Variants in SSBP3 observed in about 807,000 individuals in gnomAD.
SSBP3 encodes single stranded DNA binding protein 3.
A neutral mutation model predicts 69.6 loss-of-function variants in SSBP3; 5 were observed. The ratio of observed to expected loss-of-function variants is 0.07; its 90% CI spans 0.04 to 0.15. The LOEUF (loss-of-function observed/expected upper bound fraction) is 0.15, where lower values mean the gene tolerates loss of function less well. Ranked by LOEUF, SSBP3 falls within the 10% of genes least tolerant of loss-of-function variation. The pLI is 1.00. For missense variants in SSBP3, 312 were observed against 534.0 expected (o/e 0.58, Z 4.10); for synonymous variants, 196 against 193.4 (o/e 1.01, Z -0.11).
intron 4 of SSBP3, among the ~76,000 whole-genome samples, chr1:54,315,396 G>T (rs1265435320): frequency 6.6e-6 from 1 of 152,038 alleles, no homozygotes; most frequent in Admixed American, 6.5e-5. Flanking sequence ...ACACCACTTG[G>T]TACTATGAGA....
chr1:54,375,174 G>A (rs926054575), intron 4 of SSBP3, among the ~76,000 whole-genome samples: 2 of 152,198 alleles, frequency 1.3e-5, no homozygotes, highest in African/African-American at 4.8e-5. Context: ...GTCAGAGCCT[G>A]GAGGGCTCCG....
At chr1:54,314,880 A>G (rs1034527669) in intron 4 of SSBP3, among the ~76,000 whole-genome samples, 2 of 152,162 alleles carry the variant, frequency 1.3e-5, no homozygotes, top group East Asian at 3.9e-4. Context: ...GGGAGGGGAT[A>G]CTTGTTGATC....
intron 5 of SSBP3, among the ~76,000 whole-genome samples, chr1:54,280,193 C>T (rs978911246): frequency 3.9e-5 from 6 of 152,180 alleles, no homozygotes; most frequent in Non-Finnish European, 8.8e-5. Flanking sequence ...ATGTCCCAGC[C>T]CTCTTCTCTC....
At chr1:54,334,330 C>T (rs113050480) in intron 4 of SSBP3, among the ~76,000 whole-genome samples, 50 of 150,876 alleles carry the variant, frequency 3.3e-4, no homozygotes, top group Non-Finnish European at 6.6e-4. Context: ...CCAGCCTGGG[C>T]AACAGAGCAA....
chr1:54,348,206 G>C (rs533629915), intron 4 of SSBP3, among the ~76,000 whole-genome samples: 1 of 126,284 alleles, frequency 7.9e-6, no homozygotes, highest in Admixed American at 9.7e-5. Context: ...AGGAAAGTCT[G>C]AGGTAACCCA....
intron 4 of SSBP3, among the ~76,000 whole-genome samples, chr1:54,325,899 A>G (rs1646292833): frequency 6.6e-6 from 1 of 152,122 alleles, no homozygotes; most frequent in South Asian, 2.1e-4. Flanking sequence ...CAAAGGGAAA[A>G]TCCTGCTTGA....
chr1:54,366,773 C>CATGTT (rs1647035211), intron 4 of SSBP3, among the ~76,000 whole-genome samples: 1 of 152,162 alleles, frequency 6.6e-6, no homozygotes, highest in African/African-American at 2.4e-5. Context: ...TATAAAGAAT[C>CATGTT]ATGTTAAACT....
chr1:54,252,449 A>G (rs1023310623), intron 7 of SSBP3, among the ~76,000 whole-genome samples: 10 of 152,312 alleles, frequency 6.6e-5, no homozygotes, highest in African/African-American at 2.2e-4. Flanking sequence ...CACAGGTTGC[A>G]GAGCCAAGTG....
chr1:54,252,980 G>T (rs1644856058), intron 7 of SSBP3, among the ~76,000 whole-genome samples: 3 of 152,146 alleles, frequency 2.0e-5, no homozygotes, highest in Admixed American at 2.0e-4. Context: ...GAGCTCTCCT[G>T]CCTTGAGCTC....
At chr1:54,298,149 G>C (rs1396640494) in intron 4 of SSBP3, among the ~76,000 whole-genome samples, 1 of 152,160 alleles carries the variant, frequency 6.6e-6, no homozygotes, top group Admixed American at 6.6e-5. Context: ...TGGCCTCTTG[G>C]TTAAGCTTTC....
At chr1:54,291,238 C>A (rs1645600743) in intron 4 of SSBP3, among the ~76,000 whole-genome samples, 1 of 152,182 alleles carries the variant, frequency 6.6e-6, no homozygotes, top group South Asian at 2.1e-4. Context: ...ACACTCTCCT[C>A]AGTGAGCATC....
At chr1:54,303,494 T>C (rs1645841699) in intron 4 of SSBP3, among the ~76,000 whole-genome samples, 1 of 152,194 alleles carries the variant, frequency 6.6e-6, no homozygotes, top group East Asian at 1.9e-4. Flanking sequence ...AGCCCTTCCT[T>C]GCACTCATCC....
At chr1:54,225,513 T>C in exon 18 of SSBP3, 1 of 1,051,008 alleles carries the variant, frequency 9.5e-7, no homozygotes, top group Non-Finnish European at 1.2e-6. Flanking sequence ...TTACTTTTTT[T>C]TCCTCTCTTA....
chr1:54,289,044 A>C (rs1346758442), intron 4 of SSBP3, among the ~76,000 whole-genome samples: 3 of 51,272 alleles, frequency 5.9e-5, no homozygotes, highest in African/African-American at 4.0e-4. Flanking sequence ...AAACAAAAAA[A>C]CAAAAAAAAA....
In SSBP3 at chr1:54,401,849, T is replaced by C. The variant is rs1291495351; in HGVS notation, c.276+12A>G. 1 of 1,608,626 alleles carries C rather than the reference T, an allele frequency of 6.2e-7. No homozygotes were observed. ...CTATAATTATTGCTAGGATTAAAAA[T>C]ATGTTACTCACATAATCATGAAAGG... On this transcript the variant is annotated intron_variant, in intron 4 of 17. Coordinates refer to ENST00000610401, the Ensembl canonical transcript of SSBP3.
chr1:54,262,224 G>A (rs747128540), intron 5 of SSBP3, among the ~76,000 whole-genome samples: 8 of 152,212 alleles, frequency 5.3e-5, no homozygotes, highest in Admixed American at 3.3e-4. Flanking sequence ...CGGACTCCTC[G>A]CAGTAAGGGA....
At chr1:54,227,649 C>T (rs566345876) in intron 17 of SSBP3, among the ~76,000 whole-genome samples, 3 of 152,162 alleles carry the variant, frequency 2.0e-5, no homozygotes, top group Admixed American at 6.5e-5. Flanking sequence ...GCGATCAAGG[C>T]TTACAGCAGC....
chr1:54,371,408 G>A (rs375306798), intron 4 of SSBP3, among the ~76,000 whole-genome samples: 1 of 152,224 alleles, frequency 6.6e-6, no homozygotes, highest in East Asian at 1.9e-4. Flanking sequence ...TGCTTCAGAA[G>A]GCTGGCTCTG....
intron 3 of SSBP3, among the ~76,000 whole-genome samples, chr1:54,404,251 A>T (rs1649528513): frequency 6.6e-6 from 1 of 152,168 alleles, no homozygotes; most frequent in African/African-American, 2.4e-5. Context: ...CCTCTAATTA[A>T]AGCAACATGC....
Sources: allele counts gnomAD v4.1 joint callset (sites outside exome capture counted in the v4.1 genomes callset), GRCh38; gene constraint gnomAD v4.1.1; transcripts MANE v1.5; gene names NCBI Gene and HGNC (gene_info 2026-07-23, HGNC 2026-07-21).